FNDC3B: variants seen among roughly 807,000 people sequenced by gnomAD.
FNDC3B encodes the protein fibronectin type III domain-containing protein 3B.
A neutral mutation model predicts 151.5 loss-of-function variants in FNDC3B; 12 were observed. The ratio of observed to expected loss-of-function variants is 0.08; its 90% CI spans 0.05 to 0.13. The LOEUF (loss-of-function observed/expected upper bound fraction) is 0.13. FNDC3B is among the 10% of genes least tolerant of loss of function. The probability of loss-of-function intolerance (pLI) is 1.00; values close to 1 mark genes in which losing one functional copy is unlikely to be tolerated. For missense variants in FNDC3B, 1,214 were observed against 1,505.3 expected, an observed-to-expected ratio of 0.81 and a Z score of 3.20; for synonymous variants, 528 against 549.0, an observed-to-expected ratio of 0.96 and a Z score of 0.54.
At chr3:172,184,376 A>G (rs987699288) in intron 3 of FNDC3B, 9 of 152,258 alleles carry the variant, frequency 5.9e-5, no homozygotes, top group Non-Finnish European at 1.2e-4. Flanking sequence ...CGATCAAGAA[A>G]ATACTAGGTA....
chr3:172,263,430 A>C (rs1728754803), intron 6 of FNDC3B, among the ~76,000 whole-genome samples: 2 of 152,148 alleles, frequency 1.3e-5, no homozygotes, highest in South Asian at 4.1e-4. Flanking sequence ...TTTTTAAAAA[A>C]TTCATATTTA....
chr3:172,286,068 G>A (rs1729999872), intron 7 of FNDC3B, 84 bp downstream of exon 7: 4 of 1,005,668 alleles, frequency 4.0e-6, no homozygotes, highest in Non-Finnish European at 6.1e-6. Flanking sequence ...CCACACAGTA[G>A]GTAAGGAAAA....
chr3:172,228,685 T>C (rs1222072287), intron 4 of FNDC3B, among the ~76,000 whole-genome samples: 1 of 152,182 alleles, frequency 6.6e-6, no homozygotes, highest in Admixed American at 6.5e-5. Flanking sequence ...CTGACAGGTA[T>C]GGCAGAATAT....
At chr3:172,177,624 A>ATTTTTTTT (rs1211143726) in intron 3 of FNDC3B, among the ~76,000 whole-genome samples, 2 of 55,670 alleles carry the variant, frequency 3.6e-5, no homozygotes, top group African/African-American at 1.5e-4. Flanking sequence ...TTTTACCACC[A>ATTTTTTTT]TCTTTTTTTT....
intron 24 of FNDC3B, among the ~76,000 whole-genome samples, chr3:172,380,137 A>G (rs1374499665): frequency 6.6e-6 from 1 of 152,010 alleles, no homozygotes; most frequent in Non-Finnish European, 1.5e-5. Flanking sequence ...GCAAGCAGAA[A>G]CAACTGTCTC....
intron 3 of FNDC3B, among the ~76,000 whole-genome samples, chr3:172,149,893 A>G (rs1040862724): frequency 1.6e-5 from 2 of 126,694 alleles, no homozygotes; most frequent in Non-Finnish European, 3.1e-5. Flanking sequence ...ATCTCAGCTC[A>G]CTGCAACCTC....
intron 3 of FNDC3B, among the ~76,000 whole-genome samples, chr3:172,214,868 G>C (rs1437537910): frequency 1.3e-5 from 2 of 152,222 alleles, no homozygotes; most frequent in African/African-American, 4.8e-5. Context: ...GGCAATGGAA[G>C]AGCCAACCCT....
Position 172,362,645 on chromosome 3 carries a change from G to A in FNDC3B, c.2808G>A (p.Gln936=), listed in dbSNP as rs765728187. ...LPETTYRIRI[Q]AINEIGAGPF... ...TTCCTTTCTCTAGGATCAGAATTCA[G>A]GCTATAAATGAAATTGGAGCTGGAC... The change falls in exon 23 of 26, where the codon CAG becomes CAA. Residue 936 remains glutamine (Q), a synonymous_variant. Transcript: ENST00000415807. 3.7e-6 allele frequency: 6 copies of A among 1,613,556 alleles called. No individual in the cohort carries two copies. The highest frequency in any genetic ancestry group is 4.2e-6 in the Non-Finnish European group (5 of 1,179,692).
chr3:172,053,579 C>A (rs1175661670), intron 1 of FNDC3B, among the ~76,000 whole-genome samples: 4 of 152,154 alleles, frequency 2.6e-5, no homozygotes, highest in Admixed American at 2.6e-4. Context: ...TGAGACACAC[C>A]TGACCAACAT....
chr3:172,304,896 GAAA>G lies in FNDC3B; in HGVS notation c.1062-2452_1062-2450del, dbSNP rs1243755769. The stretch of plus-strand genomic sequence containing the variant: ...TAGGCGACAGAGCGAGACTTCATCT[GAAA>G]AAAAAAAAAAAAAAGCCAAGTGTTG... On this transcript the variant is annotated intron_variant, in intron 9 of 25. Coordinates refer to ENST00000415807, the MANE Select transcript of FNDC3B (RefSeq NM_022763.4). Among the ~76,000 whole-genome samples the G allele has an allele frequency of 3.6e-3, 304 of 85,594 alleles. 2 individuals carry two copies. Among genetic ancestry groups the G allele is most frequent in the African/African-American group, 0.012 (287 of 24,840 alleles). The allele number at this position is 85,594 out of a possible 152,430, so 56.2% of individuals were successfully genotyped here. A position where few individuals can be genotyped will look rare whatever the true frequency, so the allele number is the denominator to read the frequency against.
chr3:172,263,586 GTTTTTTTTTTTT>G (rs35762662), intron 6 of FNDC3B, among the ~76,000 whole-genome samples: 21,992 of 102,898 alleles, frequency 0.21, 2,275 homozygotes, highest in Middle Eastern at 0.29. Flanking sequence ...GCTATCAAGT[GTTTTTTTTTTTT>G]TTTTTTTTTT....
At chr3:172,127,005 G>A in intron 2 of FNDC3B, 1 of 456,720 alleles carries the variant, frequency 2.2e-6, no homozygotes, top group Non-Finnish European at 4.4e-6. Flanking sequence ...GCATTGGGAG[G>A]TGAGCCCTTA....
At chr3:172,376,369 C>G (rs1735143018) in intron 23 of FNDC3B, among the ~76,000 whole-genome samples, 1 of 152,168 alleles carries the variant, frequency 6.6e-6, no homozygotes, top group African/African-American at 2.4e-5. Context: ...AAGAAATACT[C>G]TCCTTAGATT....
At chr3:172,117,900 T>C (rs894213691) in intron 2 of FNDC3B, among the ~76,000 whole-genome samples, 27 of 152,220 alleles carry the variant, frequency 1.8e-4, no homozygotes, top group Non-Finnish European at 3.4e-4. Flanking sequence ...CTTAAACATA[T>C]ACAGAAAACT....
intron 17 of FNDC3B, 152 bp downstream of exon 17, chr3:172,341,383 A>T: frequency 1.5e-6 from 1 of 684,748 alleles, no homozygotes. Flanking sequence ...AGCTTTCTGA[A>T]TTGCTGTTTA....
At chr3:172,042,573 T>G (rs1458251488) in intron 1 of FNDC3B, among the ~76,000 whole-genome samples, 1 of 152,250 alleles carries the variant, frequency 6.6e-6, no homozygotes, top group Non-Finnish European at 1.5e-5. Context: ...CTAATTCCTG[T>G]GCTTTTATAC....
chr3:172,069,888 A>C (rs1262598579), intron 1 of FNDC3B, among the ~76,000 whole-genome samples: 1 of 152,208 alleles, frequency 6.6e-6, no homozygotes, highest in African/African-American at 2.4e-5. Context: ...TCTATTATAT[A>C]TATCGTTTAT....
intron 3 of FNDC3B, among the ~76,000 whole-genome samples, chr3:172,220,194 T>C (rs1415407218): frequency 4.6e-5 from 7 of 152,134 alleles, no homozygotes; most frequent in African/African-American, 1.7e-4. Context: ...TGTCTTTTAA[T>C]AGCCATCCTA....
intron 1 of FNDC3B, among the ~76,000 whole-genome samples, chr3:172,100,453 T>C (rs1719327204): frequency 6.6e-6 from 1 of 152,244 alleles, no homozygotes; most frequent in Non-Finnish European, 1.5e-5. Context: ...AATTCTCTGG[T>C]GTGCGACAGT....
Sources: allele counts gnomAD v4.1 joint callset (sites outside exome capture counted in the v4.1 genomes callset), GRCh38; gene constraint gnomAD v4.1.1; transcripts MANE v1.5; gene names NCBI Gene and HGNC (gene_info 2026-07-23, HGNC 2026-07-21).